The following FAR1 variants were observed in gnomAD, a reference collection of about 807,000 sequenced individuals.
FAR1 encodes the protein fatty acyl-CoA reductase 1, also known as male sterility domain-containing protein 2.
In FAR1, 22 loss-of-function variants were observed where a neutral mutation model predicts 61.1. The ratio of observed to expected loss-of-function variants is 0.36; its 90% confidence interval spans 0.26 to 0.51. The LOEUF is 0.51. FAR1 is among the 20% of genes least tolerant of loss of function. The probability of loss-of-function intolerance (pLI) is 0.95; values close to 1 mark genes in which losing one functional copy is unlikely to be tolerated. For missense variants in FAR1, 359 were observed against 626.9 expected (o/e 0.57, Z 4.56); for synonymous variants, 206 against 209.7 (o/e 0.98, Z 0.15).
intron 10 of FAR1, among the ~76,000 whole-genome samples, chr11:13,723,038 TC>T (rs989081357): frequency 2.0e-5 from 3 of 152,108 alleles, no homozygotes; most frequent in African/African-American, 7.2e-5. Context: ...GTGTGTTGTT[TC>T]ACCCTTGGTT....
intron 4 of FAR1, among the ~76,000 whole-genome samples, chr11:13,708,344 T>C (rs1848456623): frequency 6.6e-6 from 1 of 150,436 alleles, no homozygotes; most frequent in South Asian, 2.1e-4. Flanking sequence ...GGCAACACAG[T>C]GAAACTCTGT....
chr11:13,718,847 C>G (rs1021118666), intron 9 of FAR1, among the ~76,000 whole-genome samples: 3 of 151,982 alleles, frequency 2.0e-5, no homozygotes, highest in African/African-American at 7.3e-5. Flanking sequence ...GACAGAGTAG[C>G]TGGGGTGGCT....
At chr11:13,682,562 G>A (rs1848139903) in intron 1 of FAR1, among the ~76,000 whole-genome samples, 1 of 152,156 alleles carries the variant, frequency 6.6e-6, no homozygotes, top group South Asian at 2.1e-4. Context: ...ACCTTTGCCA[G>A]CTCCTGGTTT....
chr11:13,710,449 G>A (rs1038940412), intron 4 of FAR1, among the ~76,000 whole-genome samples: 2 of 116,350 alleles, frequency 1.7e-5, no homozygotes, highest in Admixed American at 8.2e-5. Flanking sequence ...GCTATCCACT[G>A]TATGATTTAT....
chr11:13,676,598 G>A lies in FAR1; in HGVS notation c.-8+7792G>A, dbSNP rs79135169. On this transcript the variant is annotated intron_variant, in intron 1 of 11. Coordinates refer to ENST00000354817, the MANE Select transcript of FAR1 (RefSeq NM_032228.6). ...GTGCTCATAGTTCACTTAGTTTGAGGAATGGCCCTAAATGAGTTTCTTAGA... is the reference window on the plus strand; with the variant it reads ...GTGCTCATAGTTCACTTAGTTTGAGAAATGGCCCTAAATGAGTTTCTTAGA... Among the ~76,000 whole-genome samples, 393 of 152,266 alleles carry A rather than the reference G, an allele frequency of 2.6e-3. 3 individuals are homozygous for A. Among genetic ancestry groups the A allele is most frequent in the African/African-American group, 9.0e-3 (375 of 41,556 alleles).
rs1302395309 is a variant in FAR1, at chr11:13,730,113, C to T, written c.*1339C>T. On this transcript the variant is annotated 3_prime_UTR_variant, in exon 12 of 12. Transcript: ENST00000354817. ...TGATTTAACAAATTGTTCAGCATAA[C>T]ACTTCTAATTAAGTTTATCAAGTTG... is the stretch of plus-strand genomic sequence containing the variant. The T allele has an allele frequency of 6.6e-6, 1 of 152,384 alleles. No homozygotes were observed. The allele number at this position is 152,384 out of a possible 1,614,324, so 9.4% of individuals were successfully genotyped here.
chr11:13,707,489 T>C (rs1848445743), intron 3 of FAR1, among the ~76,000 whole-genome samples: 1 of 152,186 alleles, frequency 6.6e-6, no homozygotes, highest in African/African-American at 2.4e-5. Context: ...TACGTTAACA[T>C]TTTAAAATTA....
chr11:13,708,037 A>G lies in FAR1; in HGVS notation c.503A>G (p.Tyr168Cys), dbSNP rs776743711. ...CGCAAGCATATTGATGAAGTAGTCTATCCACCACCTGTGGATCCCAAGAAG... is the reference window on the plus strand; with the variant it reads ...CGCAAGCATATTGATGAAGTAGTCTGTCCACCACCTGTGGATCCCAAGAAG... ...CNRKHIDEVV[Y>C]PPPVDPKKLI... Residue 168 changes from tyrosine to cysteine, a missense_variant, in exon 4 of 12, where the codon TAT (tyrosine) becomes TGT (cysteine). Transcript: ENST00000354817. 2 of 1,607,338 alleles carry G rather than the reference A, an allele frequency of 1.2e-6. No individual in the cohort carries two copies. The highest frequency in any genetic ancestry group is 1.7e-6 in the Non-Finnish European group (2 of 1,176,918).
chr11:13,711,620 A>G (rs1848499443), intron 5 of FAR1, 144 bp from the exon 6 acceptor site: 3 of 665,518 alleles, frequency 4.5e-6, no homozygotes, highest in African/African-American at 1.8e-5. Flanking sequence ...ACTGGTAGAA[A>G]TAGTCTGGCC....
chr11:13,704,736 A>T (rs1305679098), intron 3 of FAR1, among the ~76,000 whole-genome samples: 9 of 111,130 alleles, frequency 8.1e-5, no homozygotes, highest in Non-Finnish European at 2.0e-4. Context: ...CATTAAGATT[A>T]AAAAAAATGG....
At chr11:13,716,968 G>T (rs1349438754) in intron 9 of FAR1, among the ~76,000 whole-genome samples, 1 of 117,372 alleles carries the variant, frequency 8.5e-6, no homozygotes, top group Non-Finnish European at 1.6e-5. Flanking sequence ...CAGGCCCCCA[G>T]TGTGTGATAT....
At position 13,694,942 on chromosome 11, in the gene FAR1, C is replaced by T. The variant is rs376190176; in HGVS notation, c.177C>T (p.Val59=). 1.9e-6 allele frequency: 3 copies of T among 1,610,240 alleles called. No homozygotes were observed. Among genetic ancestry groups the T allele is most frequent in the Non-Finnish European group, 2.5e-6 (3 of 1,178,206 alleles). ...GQTPQERVEE[V]LSGKLFDRLR... ...CACCACAAGAGCGAGTGGAAGAAGT[C>T]CTTAGTGGCAAGGTAAGTATGGAAA... Residue 59 remains valine (V), a synonymous_variant, in exon 2 of 12, where the codon GTC becomes GTT. Transcript: ENST00000354817.
At chr11:13,679,330 T>G (rs948512438) in intron 1 of FAR1, among the ~76,000 whole-genome samples, 11 of 152,008 alleles carry the variant, frequency 7.2e-5, no homozygotes, top group African/African-American at 2.7e-4. Flanking sequence ...AAAAAAAGAG[T>G]CATGTATGAC....
chr11:13,706,780 T>C (rs887421795), intron 3 of FAR1, among the ~76,000 whole-genome samples: 1 of 152,186 alleles, frequency 6.6e-6, no homozygotes, highest in Non-Finnish European at 1.5e-5. Context: ...CTCATTACCT[T>C]AAGGAATATT....
At chr11:13,723,392 A>G (rs1202159939) in intron 10 of FAR1, 2 of 419,872 alleles carry the variant, frequency 4.8e-6, no homozygotes, top group African/African-American at 4.2e-5. Context: ...AACCCCAAAA[A>G]AAAACTTTTT....
Position 13,730,740 on chromosome 11 carries a change from T to C in FAR1, c.*1966T>C, listed in dbSNP as rs1183910440. The C allele has an allele frequency of 6.6e-6, 1 of 152,128 alleles. No individual in the cohort carries two copies. The highest frequency in any genetic ancestry group is 1.5e-5 in the Non-Finnish European group (1 of 67,988). 9.4% of individuals were successfully genotyped at this position (152,128 alleles called of 1,614,324 possible). Reference sequence around the variant, plus strand: ...GCATAGGGAGTGTATGTCTTCTGAATGGTTTTATTGTTCTTGTAATCTAGC... The same window carrying C: ...GCATAGGGAGTGTATGTCTTCTGAACGGTTTTATTGTTCTTGTAATCTAGC... On this transcript the variant is annotated 3_prime_UTR_variant, in exon 12 of 12. Coordinates refer to ENST00000354817, the MANE Select transcript of FAR1 (RefSeq NM_032228.6).
chr11:13,681,647 A>G (rs760112202), intron 1 of FAR1, among the ~76,000 whole-genome samples: 47 of 152,216 alleles, frequency 3.1e-4, no homozygotes, highest in Admixed American at 8.5e-4. Flanking sequence ...TCCCCATGCT[A>G]TAAGGAAGCC....
At chr11:13,690,214 T>C (rs187523236) in intron 1 of FAR1, among the ~76,000 whole-genome samples, 39 of 152,202 alleles carry the variant, frequency 2.6e-4, no homozygotes, top group Non-Finnish European at 5.1e-4. Context: ...ATACTTTCTT[T>C]TCTTGTTTGT....
rs1847956760 is a variant in FAR1, at chr11:13,668,799, G to C, written c.-15G>C. ...GTGGGAGAGCGAGGCCTGAGCCTCTGCGTCTAGGTGAGAAGGGGGTGCGCC... is the reference window on the plus strand; with the variant it reads ...GTGGGAGAGCGAGGCCTGAGCCTCTCCGTCTAGGTGAGAAGGGGGTGCGCC... On this transcript the variant is annotated 5_prime_UTR_variant, in exon 1 of 12. Transcript: ENST00000354817. 1.3e-5 allele frequency: 2 copies of C among 154,064 alleles called. No individual in the cohort carries two copies. The highest frequency in any genetic ancestry group is 4.8e-5 in the African/African-American group (2 of 41,596). The allele number at this position is 154,064 out of a possible 1,614,324, so 9.5% of individuals were successfully genotyped here.
Sources: gnomAD v4.1 joint callset for allele counts (sites outside exome capture counted in the v4.1 genomes callset) on GRCh38, gnomAD v4.1.1 for gene constraint, MANE v1.5 for transcripts, NCBI Gene and HGNC (gene_info 2026-07-23, HGNC 2026-07-21) for gene names.